The following ANKS1B variants were observed in gnomAD, a reference collection of about 807,000 sequenced individuals.
The protein encoded by ANKS1B is ankyrin repeat and sterile alpha motif domain containing 1B.
In ANKS1B, 36 loss-of-function variants were observed where a neutral mutation model predicts 148.3. The ratio of observed to expected loss-of-function variants is 0.24; its 90% CI spans 0.19 to 0.32. The LOEUF (loss-of-function observed/expected upper bound fraction) is 0.32, where lower values mean the gene tolerates loss of function less well. ANKS1B is among the 10% of genes least tolerant of loss of function. The probability of loss-of-function intolerance (pLI) is 1.00; values close to 1 mark genes in which losing one functional copy is unlikely to be tolerated. For synonymous variants in ANKS1B, 542 were observed against 560.8 expected (o/e 0.97, Z 0.47); for missense variants, 1,157 against 1,542.6 (o/e 0.75, Z 4.19).
rs188034504 is a variant in ANKS1B, at chr12:99,896,940, T to C, written c.135-71551A>G. On this transcript the variant is annotated intron_variant, in intron 1 of 26. Coordinates refer to ENST00000683438, the MANE Select transcript of ANKS1B (RefSeq NM_001352186.2). The stretch of plus-strand genomic sequence containing the variant: ...AATTCATTTATGTGTTTGTTTTTCT[T>C]CAATATTTATAGTTGTTGTCTTGCA... 4.1e-3 allele frequency among the ~76,000 whole-genome samples: 623 copies of C among 151,448 alleles called. 29 individuals are homozygous for C. Among genetic ancestry groups the C allele is most frequent in the Non-Finnish European group, 3.5e-3 (236 of 67,576 alleles).
chr12:98,857,232 T>TA (rs1186448923), intron 17 of ANKS1B, among the ~76,000 whole-genome samples: 2 of 152,196 alleles, frequency 1.3e-5, no homozygotes, highest in African/African-American at 4.8e-5. Context: ...AGCGAGGTCT[T>TA]AGAGGACGCT....
At position 98,751,215 on chromosome 12, in the gene ANKS1B, C is replaced by T; in HGVS notation, c.3747+140G>A. ...AACCAGGCAGAGGTGATGATGGACA[C>T]ATGCCAGGAGGAGGCCAAGGGAAAG... On this transcript the variant is annotated intron_variant, in intron 26 of 26. Coordinates refer to ENST00000683438, the MANE Select transcript of ANKS1B (RefSeq NM_001352186.2). The surrounding 1 kb of genome is among the most constrained non-coding windows in gnomAD (Gnocchi z 4.3). The T allele has an allele frequency of 1.2e-6, 1 of 836,072 alleles. No individual in the cohort carries two copies. The allele number at this position is 836,072 out of a possible 1,614,324, so 51.8% of individuals were successfully genotyped here. A position where few individuals can be genotyped will look rare whatever the true frequency, so the allele number is the denominator to read the frequency against.
rs569605146 is a variant in ANKS1B at position 98,833,798 on chromosome 12, A to T, written c.2779-1662T>A. ...GTTCACTGTTGCCATCGTTATGCCC[A>T]TGAGTACTCAACGTTTAGCTCCCAC... On this transcript the variant is annotated intron_variant, in intron 17 of 26. Transcript: ENST00000683438. 7.2e-5 allele frequency among the ~76,000 whole-genome samples: 11 copies of T among 152,032 alleles called. No homozygotes were observed. The South Asian group carries it at 1.7e-3, about 23-fold the overall frequency.
intron 17 of ANKS1B, among the ~76,000 whole-genome samples, chr12:98,990,678 T>A (rs2099926117): frequency 6.6e-6 from 1 of 151,936 alleles, no homozygotes; most frequent in East Asian, 1.9e-4. Flanking sequence ...GAAAGAGGCA[T>A]GAGAAAGAAA....
intron 17 of ANKS1B, among the ~76,000 whole-genome samples, chr12:98,906,409 G>A (rs752100488): frequency 2.6e-5 from 4 of 152,300 alleles, no homozygotes; most frequent in Non-Finnish European, 4.4e-5. Flanking sequence ...AATGGAGGGC[G>A]TGTGACCGAG....
intron 10 of ANKS1B, among the ~76,000 whole-genome samples, chr12:99,487,407 C>T (rs538794546): frequency 2.0e-4 from 30 of 152,288 alleles, no homozygotes; most frequent in African/African-American, 7.0e-4. Context: ...ATGACATAGA[C>T]ATGCTTTTCT....
chr12:99,508,117 A>G lies in ANKS1B; in HGVS notation c.1273-3476T>C, dbSNP rs542119814. 2.6e-5 allele frequency among the ~76,000 whole-genome samples: 4 copies of G among 151,974 alleles called. No individual in the cohort carries two copies. The East Asian group carries it at 7.7e-4, about 29-fold the overall frequency. On this transcript the variant is annotated intron_variant, in intron 9 of 26. Transcript: ENST00000683438. ...TCTAGTTCTTCTGTGATTTTTCTCA[A>G]TCAAGATTATGTTTCTGAATTTCAT... is the stretch of plus-strand genomic sequence containing the variant.
intron 12 of ANKS1B, among the ~76,000 whole-genome samples, chr12:99,318,621 G>A (rs888659469): frequency 1.3e-5 from 2 of 152,024 alleles, no homozygotes; most frequent in African/African-American, 4.8e-5. Flanking sequence ...CAAAAAACCA[G>A]CTCCTGGATT....
chr12:99,915,225 CA>C (rs34176071), intron 1 of ANKS1B, among the ~76,000 whole-genome samples: 222 of 101,612 alleles, frequency 2.2e-3, no homozygotes, highest in East Asian at 3.8e-3. Context: ...AAAGCTGTCT[CA>C]AAAAAAAAAA....
At chr12:99,279,524 G>T (rs950229625) in intron 12 of ANKS1B, among the ~76,000 whole-genome samples, 6 of 152,142 alleles carry the variant, frequency 3.9e-5, no homozygotes, top group Non-Finnish European at 8.8e-5. Context: ...CTATAGATTT[G>T]CCTATTCTAG....
At chr12:99,335,271 T>A (rs923723) in intron 12 of ANKS1B, among the ~76,000 whole-genome samples, 22,354 of 151,916 alleles carry the variant, frequency 0.15, 1,930 homozygotes, top group African/African-American at 0.24. Context: ...GATATTTTGA[T>A]ACAGGCATAT....
intron 11 of ANKS1B, among the ~76,000 whole-genome samples, chr12:99,400,643 G>A (rs2094378813): frequency 6.9e-6 from 1 of 144,476 alleles, no homozygotes; most frequent in East Asian, 1.9e-4. Context: ...TCAAATGTGT[G>A]TGTTTTTCCC....
intron 8 of ANKS1B, among the ~76,000 whole-genome samples, chr12:99,748,107 A>G (rs940439862): frequency 1.2e-4 from 19 of 152,100 alleles, no homozygotes. Flanking sequence ...TTGTTAGAGA[A>G]AGTATCATGG....
At chr12:99,273,640 A>C (rs992021118) in intron 12 of ANKS1B, among the ~76,000 whole-genome samples, 4 of 142,544 alleles carry the variant, frequency 2.8e-5, no homozygotes, top group South Asian at 2.2e-4. Context: ...GCAGTGGCAC[A>C]ATCTCGGCTC....
chr12:99,652,301 C>T (rs1043201041), intron 9 of ANKS1B, among the ~76,000 whole-genome samples: 6 of 151,676 alleles, frequency 4.0e-5, no homozygotes, highest in African/African-American at 1.5e-4. Flanking sequence ...TGTGAAATGC[C>T]GTCTCTACTA....
intron 10 of ANKS1B, among the ~76,000 whole-genome samples, chr12:99,477,523 A>T (rs1055503889): frequency 6.6e-6 from 1 of 152,144 alleles, no homozygotes; most frequent in African/African-American, 2.4e-5. Context: ...CTTAACTAGC[A>T]ATGCCACCTT....
At chr12:99,723,422 T>C (rs1306196795) in intron 8 of ANKS1B, among the ~76,000 whole-genome samples, 1 of 151,934 alleles carries the variant, frequency 6.6e-6, no homozygotes, top group East Asian at 1.9e-4. Context: ...GACCCATCCC[T>C]CCTCACTGGG....
At chr12:99,321,054 C>T (rs1268926847) in intron 12 of ANKS1B, among the ~76,000 whole-genome samples, 1 of 152,198 alleles carries the variant, frequency 6.6e-6, no homozygotes, top group African/African-American at 2.4e-5. Flanking sequence ...CTGCCTGATA[C>T]TTCCTCTGGA....
intron 17 of ANKS1B, among the ~76,000 whole-genome samples, chr12:98,975,535 A>G (rs1004832976): frequency 1.3e-5 from 2 of 152,130 alleles, no homozygotes. Context: ...TACCCTCAGG[A>G]GCTTACTTCC....
Sources: gnomAD v4.1 joint callset for allele counts (sites outside exome capture counted in the v4.1 genomes callset) on GRCh38, gnomAD v4.1.1 for gene constraint, Gnocchi (gnomAD v3.1) non-coding constraint, MANE v1.5 for transcripts, NCBI Gene and HGNC (gene_info 2026-07-23, HGNC 2026-07-21) for gene names.